AK2: variants seen among roughly 807,000 people sequenced by gnomAD.
AK2 encodes the protein adenylate kinase 2, mitochondrial.
Under a neutral mutation model 24.6 loss-of-function variants are expected in AK2, and 15 were observed. The observed-to-expected ratio is 0.61, with a 90% CI of 0.41 to 0.94. AK2 has a LOEUF of 0.94. AK2 is among the 40% of genes least tolerant of loss of function. The pLI, the probability that AK2 is intolerant of heterozygous loss-of-function variation, is 0.00. For missense variants in AK2, 257 were observed against 304.1 expected (o/e 0.85, Z 1.15); for synonymous variants, 102 against 114.0 (o/e 0.90, Z 0.67).
chr1:33,024,227 A>G, intron 2 of AK2: 2 of 649,750 alleles, frequency 3.1e-6, no homozygotes, highest in Non-Finnish European at 2.7e-6. Flanking sequence ...ACCCTCTAGC[A>G]CATGGTTGTT....
chr1:33,014,278 A>G (rs1432151701), intron 5 of AK2: 1 of 400,512 alleles, frequency 2.5e-6, no homozygotes. Flanking sequence ...GACAGGTACA[A>G]TCTGGGCACT....
At position 33,021,656 on chromosome 1, in the gene AK2, G is replaced by A; in HGVS notation, c.267C>T (p.Thr89=). The change falls in exon 3 of 6, where the codon ACC becomes ACT. Residue 89 remains threonine (T), a synonymous_variant. Coordinates refer to ENST00000672715, the MANE Select transcript of AK2 (RefSeq NM_001625.4). Reference sequence around the variant, plus strand: ...GAAGAAAACCATTTTTGCACAAGGGGGTCTCCAAATTCTTCTCAATGAGCT... The same window carrying A: ...GAAGAAAACCATTTTTGCACAAGGGAGTCTCCAAATTCTTCTCAATGAGCT... ...VVELIEKNLE[T]PLCKNGFLLD... is the part of the protein sequence containing the mutation. 6.2e-7 allele frequency: 1 copy of A among 1,614,034 alleles called. No homozygotes were observed. Among genetic ancestry groups the A allele is most frequent in the Non-Finnish European group, 8.5e-7 (1 of 1,179,960 alleles).
chr1:33,034,786 T>C (rs1640476699), intron 1 of AK2, among the ~76,000 whole-genome samples: 1 of 152,188 alleles, frequency 6.6e-6, no homozygotes, highest in African/African-American at 2.4e-5. Context: ...TAGTGGCTTG[T>C]GCCTATAATC....
chr1:33,024,644 G>C (rs1569672970), intron 1 of AK2, 77 bp from the exon 2 acceptor site: 20 of 1,586,482 alleles, frequency 1.3e-5, no homozygotes. Flanking sequence ...TGTGAACCTG[G>C]CCCTGCCACT....
intron 1 of AK2, among the ~76,000 whole-genome samples, chr1:33,025,188 C>CAAAAAAAAA (rs386366656): frequency 1.5e-5 from 1 of 68,396 alleles, no homozygotes. Context: ...GACTTCGTCT[C>CAAAAAAAAA]AAAAAAAAAA....
At chr1:33,032,316 C>T (rs1640287970) in intron 1 of AK2, 1 of 152,276 alleles carries the variant, frequency 6.6e-6, no homozygotes, top group Non-Finnish European at 1.5e-5. Flanking sequence ...ACTGCTGCCA[C>T]ACTGGAATGG....
chr1:33,032,647 G>A lies in AK2; in HGVS notation c.93+4089C>T, dbSNP rs147005288. On this transcript the variant is annotated intron_variant, in intron 1 of 5. Transcript: ENST00000672715. ...CTGAACAGCATGACTATAAACACCA[G>A]AGACAAGGAAATACCATGTGCCTCC... Among the ~76,000 whole-genome samples, 5 of 152,194 alleles carry A rather than the reference G, an allele frequency of 3.3e-5. No homozygotes were observed. The East Asian group carries it at 9.7e-4, about 29-fold the overall frequency.
rs761239208 is a variant in AK2 at position 33,021,442 on chromosome 1, T to C, written c.350A>G (p.Lys117Arg). ...CACAGAATCAAGCTTCTCTTTCCTCTTCTCCATGAGGTCATCGAGCTGTAA... is the reference window on the plus strand; with the variant it reads ...CACAGAATCAAGCTTCTCTTTCCTCCTCTCCATGAGGTCATCGAGCTGTAA... The part of the protein sequence containing the change: ...QAEMLDDLME[K>R]RKEKLDSVIE... The change falls in exon 4 of 6, where the codon AAG becomes AGG. Residue 117 changes from lysine (K) to arginine (R), a missense_variant. Lys to Arg is a conservative substitution (Grantham distance 26). Transcript: ENST00000672715. The C allele has an allele frequency of 4.3e-6, 7 of 1,614,076 alleles. No individual in the cohort carries two copies. Among genetic ancestry groups the C allele is most frequent in the Non-Finnish European group, 5.9e-6 (7 of 1,179,936 alleles).
chr1:33,035,969 A>G (rs1230126985), intron 1 of AK2, among the ~76,000 whole-genome samples: 1 of 151,074 alleles, frequency 6.6e-6, no homozygotes, highest in Non-Finnish European at 1.5e-5. Context: ...AAATAATAAA[A>G]ACAAAATAAA....
At chr1:33,023,658 A>G (rs1639690323) in intron 2 of AK2, among the ~76,000 whole-genome samples, 1 of 152,204 alleles carries the variant, frequency 6.6e-6, no homozygotes, top group African/African-American at 2.4e-5. Context: ...GCTTTGTTAC[A>G]GAAACAGCAC....
At chr1:33,015,143 G>A (rs1452437919) in intron 4 of AK2, among the ~76,000 whole-genome samples, 1 of 152,188 alleles carries the variant, frequency 6.6e-6, no homozygotes, top group Non-Finnish European at 1.5e-5. Context: ...AAACCAGGAA[G>A]GTACTAACAG....
intron 1 of AK2, among the ~76,000 whole-genome samples, chr1:33,034,495 A>G (rs1341019540): frequency 1.4e-5 from 2 of 145,136 alleles, no homozygotes; most frequent in Non-Finnish European, 3.0e-5. Flanking sequence ...CACATATATC[A>G]TAATTTTCCA....
chr1:33,025,385 G>A (rs1052809844), intron 1 of AK2, among the ~76,000 whole-genome samples: 5 of 152,148 alleles, frequency 3.3e-5, no homozygotes, highest in African/African-American at 1.2e-4. Context: ...GAGGCAACTA[G>A]GAGCAGTTTG....
At chr1:33,018,999 A>G (rs1569623974) in intron 4 of AK2, among the ~76,000 whole-genome samples, 1 of 152,148 alleles carries the variant, frequency 6.6e-6, no homozygotes, top group East Asian at 1.9e-4. Flanking sequence ...CATTCCTTCT[A>G]CCTTCCTGCC....
chr1:33,021,407 T>C lies in AK2; in HGVS notation c.385A>G (p.Ser129Gly), dbSNP rs773960489. The C allele has an allele frequency of 3.1e-6, 5 of 1,614,122 alleles. No individual in the cohort carries two copies. The highest frequency in any genetic ancestry group is 4.2e-6 in the Non-Finnish European group (5 of 1,179,984). ...KEKLDSVIEF[S>G]IPDSLLIRRI... ...CGGATCAGCAGAGAGTCTGGGATGCTGAATTCAATCACAGAATCAAGCTTC... is the reference window on the plus strand; with the variant it reads ...CGGATCAGCAGAGAGTCTGGGATGCCGAATTCAATCACAGAATCAAGCTTC... Residue 129 changes from serine to glycine, a missense_variant, in exon 4 of 6, where the codon AGC becomes GGC. Physicochemically the swap from Ser to Gly is moderately conservative, Grantham distance 56 (BLOSUM62 0). Transcript: ENST00000672715.
At chr1:33,019,831 A>G in intron 4 of AK2, 1 of 1,180,576 alleles carries the variant, frequency 8.5e-7, no homozygotes, top group South Asian at 3.0e-5. Flanking sequence ...ATAAATGTAC[A>G]ACAATAAGGA....
chr1:33,009,469 A>G lies in AK2; in HGVS notation c.*3712T>C, dbSNP rs754401970. ...CCATTCAACAGTTATCCAGCCTGGC[A>G]GGAAGCAGATATCTTTCTGTGTATA... On this transcript the variant is annotated 3_prime_UTR_variant, in exon 6 of 6. Coordinates refer to ENST00000672715, the MANE Select transcript of AK2 (RefSeq NM_001625.4). 2 of 454,150 alleles carry G rather than the reference A, an allele frequency of 4.4e-6. No homozygotes were observed. Among genetic ancestry groups the G allele is most frequent in the South Asian group, 3.1e-5 (2 of 64,482 alleles). 28.1% of individuals were successfully genotyped at this position (454,150 alleles called of 1,614,324 possible).
Position 33,010,916 on chromosome 1 carries a change from C to T in AK2, c.*2265G>A. ...TCAGAGGAGGCTGGCATGTAAGCCC[C>T]AGCAACCAAATGCATTAAACACTGG... On this transcript the variant is annotated 3_prime_UTR_variant, in exon 6 of 6. Transcript: ENST00000672715. 1.2e-6 allele frequency: 2 copies of T among 1,601,164 alleles called. No individual in the cohort carries two copies. Among genetic ancestry groups the T allele is most frequent in the Admixed American group, 1.7e-5 (1 of 57,566 alleles).
rs1638852092 is a variant in AK2, at chr1:33,012,021, G to C, written c.*1160C>G. ...CCAAGAATAGATCACACACTGTTTT[G>C]TTCACACTTGGAAACACAGGCAAAC... On this transcript the variant is annotated 3_prime_UTR_variant, in exon 6 of 6. Coordinates refer to ENST00000672715, the MANE Select transcript of AK2 (RefSeq NM_001625.4). 1.3e-6 allele frequency: 2 copies of C among 1,535,224 alleles called. No homozygotes were observed. Among genetic ancestry groups the C allele is most frequent in the Non-Finnish European group, 1.7e-6 (2 of 1,146,692 alleles).
Sources: gnomAD v4.1 joint callset for allele counts (sites outside exome capture counted in the v4.1 genomes callset) on GRCh38, gnomAD v4.1.1 for gene constraint, MANE v1.5 for transcripts, NCBI Gene and HGNC (gene_info 2026-07-23, HGNC 2026-07-21) for gene names.